The following NEU3 variants were observed in gnomAD, a reference collection of about 807,000 sequenced individuals.
The protein encoded by NEU3 is sialidase-3.
In NEU3, 10 loss-of-function variants were observed where a neutral mutation model predicts 11.4. The observed-to-expected ratio is 0.88, with a 90% CI of 0.54 to 1.49. The LOEUF (loss-of-function observed/expected upper bound fraction) is 1.49. NEU3 is among the 40% of genes most tolerant of loss of function. The pLI, the probability that NEU3 is intolerant of heterozygous loss-of-function variation, is 0.00. For missense variants in NEU3, 529 were observed against 581.8 expected (o/e 0.91, Z 0.93); for synonymous variants, 212 against 228.2 (o/e 0.93, Z 0.64).
chr11:74,996,700 C>G (rs1161517462), intron 2 of NEU3, among the ~76,000 whole-genome samples: 4 of 152,182 alleles, frequency 2.6e-5, no homozygotes, highest in African/African-American at 9.7e-5. Context: ...TGACCAGATT[C>G]ATCAGAGTAA....
chr11:74,994,905 C>G, intron 2 of NEU3, 185 bp downstream of exon 2: 1 of 703,182 alleles, frequency 1.4e-6, no homozygotes, highest in Non-Finnish European at 2.6e-6. Flanking sequence ...ACATTGGGTC[C>G]TCACAGCCAT....
chr11:75,002,350 AAATT>A (rs1293582444), intron 2 of NEU3, among the ~76,000 whole-genome samples: 2 of 152,240 alleles, frequency 1.3e-5, no homozygotes, highest in African/African-American at 4.8e-5. Context: ...ATTTATACAG[AAATT>A]AATTTTTTAA....
the NEU3 span, among the ~76,000 whole-genome samples, chr11:74,982,008 A>G: frequency 6.6e-6 from 1 of 151,704 alleles, no homozygotes; most frequent in African/African-American, 2.4e-5. Context: ...CAGGAGGCAG[A>G]AAAGATGTTT....
intron 2 of NEU3, among the ~76,000 whole-genome samples, chr11:74,996,341 C>T (rs1244864185): frequency 6.6e-6 from 1 of 152,158 alleles, no homozygotes; most frequent in Admixed American, 6.5e-5. Context: ...TATTTTAAAT[C>T]CTTTGTTGCC....
intron 2 of NEU3, among the ~76,000 whole-genome samples, chr11:74,997,328 C>T (rs1948798921): frequency 6.6e-6 from 1 of 152,224 alleles, no homozygotes; most frequent in South Asian, 2.1e-4. Context: ...GAACCATCCT[C>T]TGCTACTTTC....
At position 74,989,121 on chromosome 11, in the gene NEU3, C is replaced by G; in HGVS notation, c.61C>G (p.Pro21Ala). Residue 21 changes from proline to alanine, a missense_variant, in exon 1 of 3, where the codon CCG (proline) becomes GCG (alanine). Transcript: ENST00000294064. Reference sequence around the variant, plus strand: ...AGAATCCCCGGCGTCCAGCTCTGCCCCGACAGAGACGGAGGAGCCGGGGTC... The same window carrying G: ...AGAATCCCCGGCGTCCAGCTCTGCCGCGACAGAGACGGAGGAGCCGGGGTC... ...MEESPASSSA[P>A]TETEEPGSSA... 1.3e-6 allele frequency: 2 copies of G among 1,551,154 alleles called. No individual in the cohort carries two copies. Among genetic ancestry groups the G allele is most frequent in the Non-Finnish European group, 1.7e-6 (2 of 1,146,944 alleles).
upstream of NEU3, among the ~76,000 whole-genome samples, chr11:74,987,310 T>C (rs1368093573): frequency 6.6e-6 from 1 of 152,190 alleles, no homozygotes; most frequent in Non-Finnish European, 1.5e-5. Flanking sequence ...CTTGTTCTTT[T>C]TGATGTTCTA....
chr11:75,014,982 C>T (rs913633636), downstream of NEU3, among the ~76,000 whole-genome samples: 1 of 152,172 alleles, frequency 6.6e-6, no homozygotes, highest in African/African-American at 2.4e-5. Context: ...ATGTTCAAAA[C>T]ATGGGAGCTG....
chr11:75,001,375 G>A (rs958283274), intron 2 of NEU3, among the ~76,000 whole-genome samples: 4 of 151,174 alleles, frequency 2.6e-5, no homozygotes, highest in African/African-American at 9.7e-5. Flanking sequence ...TCCCTCCTGG[G>A]TTAAAGCAAT....
Position 74,995,076 on chromosome 11 carries a change from C to G in NEU3, c.306+356C>G, listed in dbSNP as rs1056459520. ...AGAGACCTCCACAGTTATTTAGATT[C>G]AGCTAACGTATGATGTGCCTTTCAT... On this transcript the variant is annotated intron_variant, in intron 2 of 2. Coordinates refer to ENST00000294064, the MANE Select transcript of NEU3 (RefSeq NM_006656.6). 3 of 547,154 alleles carry G rather than the reference C, an allele frequency of 5.5e-6. No homozygotes were observed. The African/African-American group carries it at 5.6e-5, about 10-fold the overall frequency. The allele number at this position is 547,154 out of a possible 1,614,324, so 33.9% of individuals were successfully genotyped here. A position where few individuals can be genotyped will look rare whatever the true frequency, so the allele number is the denominator to read the frequency against.
At chr11:74,999,644 G>A (rs141612447) in intron 2 of NEU3, among the ~76,000 whole-genome samples, 2 of 152,148 alleles carry the variant, frequency 1.3e-5, no homozygotes, top group Non-Finnish European at 2.9e-5. Flanking sequence ...TACATAGTAA[G>A]AACTAAACAT....
rs1256830787 is a variant in NEU3 at position 75,006,956 on chromosome 11, A to T, written c.*464A>T. The stretch of plus-strand genomic sequence containing the variant: ...CTCATCCGAGTGTGAGGTTACAAGC[A>T]GGTGTCATGGCAGGAAGGAAGACCA... On this transcript the variant is annotated 3_prime_UTR_variant, in exon 3 of 3. Coordinates refer to ENST00000294064, the MANE Select transcript of NEU3 (RefSeq NM_006656.6). The T allele has an allele frequency of 6.4e-6, 1 of 156,186 alleles. No individual in the cohort carries two copies. Among genetic ancestry groups the T allele is most frequent in the Non-Finnish European group, 1.4e-5 (1 of 70,684 alleles). The allele number at this position is 156,186 out of a possible 1,614,324, so 9.7% of individuals were successfully genotyped here.
chr11:75,014,393 T>C (rs1445098031), downstream of NEU3, among the ~76,000 whole-genome samples: 1 of 152,096 alleles, frequency 6.6e-6, no homozygotes, highest in Non-Finnish European at 1.5e-5. Flanking sequence ...TTCCCCACTA[T>C]GGGGCAGTCT....
chr11:75,018,036 G>GCCTTC (rs1270629072), intron 3 of NEU3, among the ~76,000 whole-genome samples: 6 of 151,948 alleles, frequency 3.9e-5, no homozygotes, highest in Non-Finnish European at 7.4e-5. Flanking sequence ...CTTTTTTTAA[G>GCCTTC]CCTTCCCTTC....
chr11:75,003,622 G>A (rs1471873292), intron 2 of NEU3, among the ~76,000 whole-genome samples: 1 of 152,110 alleles, frequency 6.6e-6, no homozygotes, highest in Non-Finnish European at 1.5e-5. Flanking sequence ...AGGCTCGGTG[G>A]CTCACGCCTG....
chr11:74,999,854 C>A (rs1164767684), intron 2 of NEU3, among the ~76,000 whole-genome samples: 2 of 152,140 alleles, frequency 1.3e-5, no homozygotes, highest in African/African-American at 4.8e-5. Flanking sequence ...TCTGAAGTAC[C>A]TGAAAGCTGT....
intron 2 of NEU3, among the ~76,000 whole-genome samples, chr11:74,995,815 TTA>T (rs869141584): frequency 1.5e-4 from 23 of 151,602 alleles, no homozygotes; most frequent in Admixed American, 9.9e-4. Context: ...ATTATTATTA[TTA>T]TTTTTCTAGA....
chr11:74,995,823 C>G (rs1948785365), intron 2 of NEU3, among the ~76,000 whole-genome samples: 1 of 150,640 alleles, frequency 6.6e-6, no homozygotes, highest in Non-Finnish European at 1.5e-5. Flanking sequence ...TATTATTTTT[C>G]TAGAAGCATT....
At chr11:75,019,861 G>A (rs1044262618), downstream of NEU3, among the ~76,000 whole-genome samples, 1 of 152,212 alleles carries the variant, frequency 6.6e-6, no homozygotes, top group Non-Finnish European at 1.5e-5. Context: ...GAGGGCCACT[G>A]TCCTCCAGAC....
Sources: gnomAD v4.1 joint callset for allele counts (sites outside exome capture counted in the v4.1 genomes callset) on GRCh38, gnomAD v4.1.1 for gene constraint, MANE v1.5 for transcripts, NCBI Gene and HGNC (gene_info 2026-07-23, HGNC 2026-07-21) for gene names.